Variants in ITSN2 observed in about 807,000 individuals in gnomAD.
ITSN2 encodes intersectin 2, also known as intersectin-2.
A neutral mutation model predicts 243.7 loss-of-function variants in ITSN2; 156 were observed. The observed-to-expected ratio is 0.64, with a 90% CI of 0.56 to 0.73. The LOEUF (loss-of-function observed/expected upper bound fraction) is 0.73. ITSN2 is among the 30% of genes least tolerant of loss of function. The pLI is 0.00. For missense variants in ITSN2, 1,801 were observed against 1,996.1 expected (o/e 0.90, Z 1.86); for synonymous variants, 703 against 699.9 (o/e 1.00, Z -0.07).
In ITSN2 at chr2:24,248,713, AC is replaced by A. The variant is rs1237062752; in HGVS notation, c.3203del (p.Gly1068ValfsTer12). On this transcript the variant is annotated frameshift_variant, in exon 27 of 40. Coordinates refer to ENST00000355123, the MANE Select transcript of ITSN2 (RefSeq NM_006277.3). LOFTEE classifies it high-confidence loss of function. Reference protein sequence around the residue: ...AQVTSAYVASGSEQLSLAPGQ... With the variant: ...AQVTSAYVASXSEQLSLAPGQ... ...CTGGTGCAAGGCTAAGTTGTTCAGA[AC>A]CAGAAGCAACATATGCTGAAGTTAC... The A allele has an allele frequency of 1.2e-6, 2 of 1,613,456 alleles. No homozygotes were observed. The highest frequency in any genetic ancestry group is 1.7e-6 in the Non-Finnish European group (2 of 1,179,680).
At chr2:24,237,394 C>G (rs1672281676) in intron 29 of ITSN2, among the ~76,000 whole-genome samples, 1 of 132,924 alleles carries the variant, frequency 7.5e-6, no homozygotes, top group Non-Finnish European at 1.6e-5. Context: ...GAGTTCCTTT[C>G]ACTATCCAAC....
rs765602604 is a variant in ITSN2, at chr2:24,302,113, T to G, written c.858-11A>C. 1 of 1,588,566 alleles carries G rather than the reference T, an allele frequency of 6.3e-7. No homozygotes were observed. The highest frequency in any genetic ancestry group is 2.3e-5 in the East Asian group (1 of 42,564). Reference sequence around the variant, plus strand: ...ACGTCAGCCAGAGTCCTAAAGAAAATGTTAAAATTCACAACTTAATAAAGT... The same window carrying G: ...ACGTCAGCCAGAGTCCTAAAGAAAAGGTTAAAATTCACAACTTAATAAAGT... On this transcript the variant is annotated splice_polypyrimidine_tract_variant and intron_variant, in intron 9 of 39. Transcript: ENST00000355123.
intron 1 of ITSN2, among the ~76,000 whole-genome samples, chr2:24,350,207 T>C (rs1253176693): frequency 6.6e-6 from 1 of 152,188 alleles, no homozygotes; most frequent in East Asian, 1.9e-4. Flanking sequence ...TTCTGGTTCA[T>C]GATCCATTAG....
chr2:24,237,181 A>T (rs566322716), intron 29 of ITSN2, among the ~76,000 whole-genome samples: 3 of 152,294 alleles, frequency 2.0e-5, no homozygotes, highest in African/African-American at 7.2e-5. Flanking sequence ...TCTGTATCTC[A>T]AAAAAGAAAA....
chr2:24,322,158 T>A (rs74344023), intron 2 of ITSN2, among the ~76,000 whole-genome samples: 1,913 of 152,296 alleles, frequency 0.013, 45 homozygotes, highest in African/African-American at 0.044. Flanking sequence ...ACATGTAATA[T>A]ACCTCCATTA....
intron 15 of ITSN2, among the ~76,000 whole-genome samples, chr2:24,286,653 T>C (rs902629157): frequency 5.3e-5 from 8 of 152,196 alleles, no homozygotes; most frequent in African/African-American, 1.7e-4. Flanking sequence ...TTTTCATCTA[T>C]ACAATGAGCA....
chr2:24,275,351 G>C (rs1475615457), intron 18 of ITSN2, among the ~76,000 whole-genome samples: 2 of 152,184 alleles, frequency 1.3e-5, no homozygotes, highest in Non-Finnish European at 2.9e-5. Flanking sequence ...ACCACGCCCA[G>C]TTCCAGCTGT....
intron 13 of ITSN2, among the ~76,000 whole-genome samples, chr2:24,296,259 G>C (rs1680947971): frequency 6.6e-6 from 1 of 152,144 alleles, no homozygotes; most frequent in African/African-American, 2.4e-5. Flanking sequence ...TTTGGCAACA[G>C]TTCTGTTCTA....
At chr2:24,290,511 TTTC>T (rs1680106135) in intron 15 of ITSN2, among the ~76,000 whole-genome samples, 1 of 152,252 alleles carries the variant, frequency 6.6e-6, no homozygotes, top group African/African-American at 2.4e-5. Flanking sequence ...CTGTAAGTAT[TTTC>T]TTCATGACTC....
rs373848124 is a variant in ITSN2, at chr2:24,225,263, CTT to C, written c.3578-4199_3578-4198del. Among the ~76,000 whole-genome samples, 563 of 152,306 alleles carry C rather than the reference CTT, an allele frequency of 3.7e-3. 3 individuals carry two copies. The highest frequency in any genetic ancestry group is 0.013 in the African/African-American group (542 of 41,556). On this transcript the variant is annotated intron_variant, in intron 29 of 39. Transcript: ENST00000355123. This position sits in a 1 kb window ranked among gnomAD's most constrained non-coding sequence, Gnocchi z 4.2. ...TGTTTGAAACCAACCAACAAGCACACTTCTCCAACCCTGCCCCCTCCTCAGCA... is the reference window on the plus strand; with the variant it reads ...TGTTTGAAACCAACCAACAAGCACACCTCCAACCCTGCCCCCTCCTCAGCA...
Position 24,292,135 on chromosome 2 carries a change from G to A in ITSN2, c.1723+1553C>T, listed in dbSNP as rs150511287. ...TTAAATGGCAATTGTTATACAGAGA[G>A]GCATCTAAGGGATACAGGGTACTTT... On this transcript the variant is annotated intron_variant, in intron 15 of 39. Transcript: ENST00000355123. Among the ~76,000 whole-genome samples, 371 of 152,232 alleles carry A rather than the reference G, an allele frequency of 2.4e-3. 1 individual carries two copies. Among genetic ancestry groups the A allele is most frequent in the Non-Finnish European group, 2.6e-3 (174 of 68,028 alleles).
At chr2:24,220,277 G>C in intron 30 of ITSN2, 1 of 969,944 alleles carries the variant, frequency 1.0e-6, no homozygotes, top group Non-Finnish European at 1.2e-6. Context: ...TCTCACCTGA[G>C]GGCCTGTACA....
intron 32 of ITSN2, 130 bp downstream of exon 32, chr2:24,215,919 G>T (rs542414429): frequency 2.2e-5 from 13 of 599,994 alleles, no homozygotes; most frequent in Non-Finnish European, 2.1e-5. Flanking sequence ...ATTCTCTGCC[G>T]TTTTGGTGTT....
At chr2:24,214,533 A>T (rs1669786859) in intron 32 of ITSN2, 1 of 152,158 alleles carries the variant, frequency 6.6e-6, no homozygotes, top group Non-Finnish European at 1.5e-5. Flanking sequence ...TTTAATAGAA[A>T]ATTACAAATT....
intron 18 of ITSN2, among the ~76,000 whole-genome samples, chr2:24,274,231 C>T (rs1013529495): frequency 1.3e-5 from 2 of 152,144 alleles, no homozygotes; most frequent in Admixed American, 6.5e-5. Flanking sequence ...TTTACTTTCT[C>T]TACTTCTATA....
At position 24,208,590 on chromosome 2, in the gene ITSN2, C is replaced by A. The variant is rs186156337; in HGVS notation, c.4596-271G>T. Among the ~76,000 whole-genome samples, 316 of 152,294 alleles carry A rather than the reference C, an allele frequency of 2.1e-3. 6 individuals are homozygous for A. Among genetic ancestry groups the A allele is most frequent in the Admixed American group, 0.02 (308 of 15,298 alleles). On this transcript the variant is annotated intron_variant, in intron 36 of 39. Coordinates refer to ENST00000355123, the MANE Select transcript of ITSN2 (RefSeq NM_006277.3). ...TGATGCATTGGCCCCACGGATGATACCTGTCACGAGGGGTTCTAGCGCACA... is the reference window on the plus strand; with the variant it reads ...TGATGCATTGGCCCCACGGATGATAACTGTCACGAGGGGTTCTAGCGCACA...
intron 5 of ITSN2, 94 bp from the exon 6 acceptor site, chr2:24,310,786 T>C (rs1683167855): frequency 1.0e-5 from 10 of 956,544 alleles, no homozygotes; most frequent in Non-Finnish European, 1.3e-5. Context: ...GCAGACTCTA[T>C]GTTTACCAAA....
In ITSN2 at chr2:24,339,670, C is replaced by T. The variant is rs140955113; in HGVS notation, c.-33-11555G>A. On this transcript the variant is annotated intron_variant, in intron 1 of 39. Coordinates refer to ENST00000355123, the MANE Select transcript of ITSN2 (RefSeq NM_006277.3). Reference sequence around the variant, plus strand: ...ATTGAAGCTTCTCTGTAAGATTTCACCTGATTTTTTCTTAAAGATAAATGA... The same window carrying T: ...ATTGAAGCTTCTCTGTAAGATTTCATCTGATTTTTTCTTAAAGATAAATGA... 1.5e-3 allele frequency among the ~76,000 whole-genome samples: 227 copies of T among 152,076 alleles called. 1 individual carries two copies. Among genetic ancestry groups the T allele is most frequent in the African/African-American group, 5.1e-3 (213 of 41,464 alleles).
intron 27 of ITSN2, among the ~76,000 whole-genome samples, chr2:24,247,773 T>C (rs888230412): frequency 6.6e-6 from 1 of 152,232 alleles, no homozygotes; most frequent in Non-Finnish European, 1.5e-5. Context: ...TGCAGCCGAC[T>C]ACAAATACTT....
Sources: gnomAD v4.1 joint callset for allele counts (sites outside exome capture counted in the v4.1 genomes callset) on GRCh38, gnomAD v4.1.1 for gene constraint, Gnocchi (gnomAD v3.1) non-coding constraint, MANE v1.5 for transcripts, NCBI Gene and HGNC (gene_info 2026-07-23, HGNC 2026-07-21) for gene names.